MGLL: variants seen among roughly 807,000 people sequenced by gnomAD.
The protein encoded by MGLL is monoglyceride lipase.
In MGLL, 7 loss-of-function variants were observed where a neutral mutation model predicts 29.1. The observed-to-expected ratio is 0.24, with a 90% confidence interval of 0.14 to 0.45. The LOEUF is 0.45. Among genes scored for constraint, MGLL ranks in the 20% least tolerant of loss-of-function variants. MGLL has a pLI of 0.99. For synonymous variants in MGLL, 148 were observed against 168.3 expected (o/e 0.88, Z 0.93); for missense variants, 356 against 413.6 (o/e 0.86, Z 1.21).
chr3:127,737,837 T>C (rs376125855), intron 3 of MGLL, among the ~76,000 whole-genome samples: 5 of 151,304 alleles, frequency 3.3e-5, no homozygotes. Flanking sequence ...AGAGATGGGG[T>C]TTCACCATGT....
chr3:127,721,015 A>G (rs1419366917), intron 5 of MGLL, 38 bp downstream of exon 5: 1 of 1,558,712 alleles, frequency 6.4e-7, no homozygotes, highest in Admixed American at 1.7e-5. Flanking sequence ...TGTCCCGGGG[A>G]ACCTGTAGGA....
chr3:127,773,522 A>G (rs1308720259), intron 3 of MGLL, among the ~76,000 whole-genome samples: 2 of 152,182 alleles, frequency 1.3e-5, no homozygotes, highest in East Asian at 3.8e-4. Context: ...AAGACAGGAG[A>G]GGCCTAGGCA....
At chr3:127,791,817 T>G (rs2107723802) in intron 2 of MGLL, among the ~76,000 whole-genome samples, 1 of 152,314 alleles carries the variant, frequency 6.6e-6, no homozygotes, top group East Asian at 1.9e-4. Context: ...AAACCTGTAA[T>G]CCCAGCACTT....
chr3:127,789,658 A>G (rs1381162251), intron 2 of MGLL, among the ~76,000 whole-genome samples: 1 of 152,064 alleles, frequency 6.6e-6, no homozygotes, highest in Non-Finnish European at 1.5e-5. Flanking sequence ...TGATCACGCC[A>G]CTGCACTCCA....
chr3:127,775,507 C>A (rs1420805037), intron 3 of MGLL, among the ~76,000 whole-genome samples: 1 of 152,094 alleles, frequency 6.6e-6, no homozygotes, highest in African/African-American at 2.4e-5. Flanking sequence ...TAGGACCCAC[C>A]CGCCAAGGAG....
At chr3:127,705,703 G>A (rs1182302337) in intron 6 of MGLL, among the ~76,000 whole-genome samples, 2 of 151,326 alleles carry the variant, frequency 1.3e-5, no homozygotes, top group Non-Finnish European at 2.9e-5. Flanking sequence ...TTGAATCTGG[G>A]AGGTGGAGGT....
At chr3:127,803,428 T>C (rs1576309909) in intron 2 of MGLL, among the ~76,000 whole-genome samples, 1 of 152,184 alleles carries the variant, frequency 6.6e-6, no homozygotes, top group African/African-American at 2.4e-5. Flanking sequence ...CTAATTCTCC[T>C]TGGTGCCAAC....
intron 5 of MGLL, 50 bp downstream of exon 5, chr3:127,721,003 C>A: frequency 6.7e-7 from 1 of 1,494,370 alleles, no homozygotes; most frequent in South Asian, 1.1e-5. Flanking sequence ...ATGGAAGACC[C>A]ATGTCCCGGG....
intron 3 of MGLL, among the ~76,000 whole-genome samples, chr3:127,775,181 A>G (rs75244108): frequency 0.012 from 1,854 of 152,218 alleles, 31 homozygotes; most frequent in African/African-American, 0.043. Flanking sequence ...CCACTCTCCC[A>G]CACTCTACAA....
At chr3:127,710,497 C>G (rs1023688026) in intron 6 of MGLL, 79 bp downstream of exon 6, 1 of 1,283,514 alleles carries the variant, frequency 7.8e-7, no homozygotes, top group African/African-American at 1.5e-5. Flanking sequence ...GCAGAGAATG[C>G]CAAGGCTGGA....
chr3:127,822,533 C>CCA (rs1256953401), upstream of MGLL: 1 of 600,260 alleles, frequency 1.7e-6, no homozygotes, highest in Non-Finnish European at 3.0e-6. Flanking sequence ...CCCTCCCTCC[C>CCA]CAGGGCGGGG....
chr3:127,773,664 AC>A (rs2076985969), intron 3 of MGLL, among the ~76,000 whole-genome samples: 1 of 152,212 alleles, frequency 6.6e-6, no homozygotes, highest in East Asian at 1.9e-4. Flanking sequence ...TGGGGGAGGG[AC>A]CCTGAGACAT....
intron 3 of MGLL, among the ~76,000 whole-genome samples, chr3:127,729,084 C>T (rs182664456): frequency 2.1e-4 from 32 of 151,928 alleles, no homozygotes; most frequent in Admixed American, 1.3e-3. Flanking sequence ...TGTCTTTTGA[C>T]TTTGTTTACA....
intron 5 of MGLL, 43 bp downstream of exon 5, chr3:127,721,010 C>T (rs756154705): frequency 1.6e-5 from 25 of 1,549,354 alleles, no homozygotes; most frequent in Non-Finnish European, 2.1e-5. Context: ...ACCCATGTCC[C>T]GGGGAACCTG....
intron 3 of MGLL, among the ~76,000 whole-genome samples, chr3:127,760,083 A>C (rs1051786510): frequency 6.6e-6 from 1 of 152,208 alleles, no homozygotes; most frequent in East Asian, 1.9e-4. Context: ...GGATGTGCAC[A>C]CAGCTTTCAA....
At chr3:127,778,146 T>G (rs561822539) in intron 3 of MGLL, among the ~76,000 whole-genome samples, 95 of 152,274 alleles carry the variant, frequency 6.2e-4, no homozygotes, top group Non-Finnish European at 8.2e-4. Flanking sequence ...GGTAGTAAAA[T>G]CAGTTAGCAT....
At position 127,691,620 on chromosome 3, in the gene MGLL, C is replaced by CA. The variant is rs1436458100; in HGVS notation, c.*577dup. The stretch of plus-strand genomic sequence containing the variant: ...TCTGCAAAGCCTGGTCTCAGGCTAA[C>CA]AAGGAGCCCACAAAGTCATGGGTGG... On this transcript the variant is annotated 3_prime_UTR_variant, in exon 8 of 8. Coordinates refer to ENST00000265052, the MANE Select transcript of MGLL (RefSeq NM_007283.7). The CA allele has an allele frequency of 6.3e-6, 1 of 159,288 alleles. No individual in the cohort carries two copies. Among genetic ancestry groups the CA allele is most frequent in the East Asian group, 1.9e-4 (1 of 5,348 alleles). 9.9% of individuals were successfully genotyped at this position (159,288 alleles called of 1,614,324 possible).
chr3:127,793,526 C>T (rs1278637874), intron 2 of MGLL, among the ~76,000 whole-genome samples: 1 of 152,170 alleles, frequency 6.6e-6, no homozygotes, highest in Non-Finnish European at 1.5e-5. Flanking sequence ...GTTTCTTCCC[C>T]TCTGCATAAG....
chr3:127,773,863 C>T (rs558788459), intron 3 of MGLL, among the ~76,000 whole-genome samples: 8 of 152,262 alleles, frequency 5.3e-5, no homozygotes, highest in Admixed American at 2.0e-4. Context: ...TTCCTAGGGT[C>T]GCCACCCAAG....
Sources: gnomAD v4.1 joint callset for allele counts (sites outside exome capture counted in the v4.1 genomes callset) on GRCh38, gnomAD v4.1.1 for gene constraint, MANE v1.5 for transcripts, NCBI Gene and HGNC (gene_info 2026-07-23, HGNC 2026-07-21) for gene names.